The following PRRC2C variants were observed in gnomAD, a reference collection of about 807,000 sequenced individuals.
The protein encoded by PRRC2C is protein PRRC2C.
A neutral mutation model predicts 317.2 loss-of-function variants in PRRC2C; 72 were observed. The ratio of observed to expected loss-of-function variants is 0.23; its 90% CI spans 0.19 to 0.28. PRRC2C has a LOEUF of 0.28. PRRC2C is among the 10% of genes least tolerant of loss of function. PRRC2C has a pLI of 1.00. For missense variants in PRRC2C, 3,074 were observed against 3,459.7 expected (o/e 0.89, Z 2.80); for synonymous variants, 1,296 against 1,205.9 (o/e 1.07, Z -1.55).
At chr1:171,566,938 T>C in intron 22 of PRRC2C, 95 bp downstream of exon 22, 1 of 1,338,128 alleles carries the variant, frequency 7.5e-7, no homozygotes, top group Non-Finnish European at 1.0e-6. Flanking sequence ...TTTTTCCTGC[T>C]GAGGCATATA....
chr1:171,551,343 T>A (rs1680208241), intron 18 of PRRC2C, among the ~76,000 whole-genome samples: 1 of 152,210 alleles, frequency 6.6e-6, no homozygotes, highest in Non-Finnish European at 1.5e-5. Flanking sequence ...TTAAGTTCAT[T>A]GTAGATTCTG....
intron 11 of PRRC2C, among the ~76,000 whole-genome samples, chr1:171,530,329 A>T (rs1173950334): frequency 6.7e-6 from 1 of 148,248 alleles, no homozygotes; most frequent in Non-Finnish European, 1.5e-5. Flanking sequence ...TTGCAGCCTA[A>T]ACCTCCTGGG....
rs554127587 is a variant in PRRC2C at position 171,498,401 on chromosome 1, A to G, written c.-58+12666A>G. Reference sequence around the variant, plus strand: ...CCTCAGATGACAGAAGTGCATAGCTAGTTCCCTCCAGCCCTTTCATAAGGC... The same window carrying G: ...CCTCAGATGACAGAAGTGCATAGCTGGTTCCCTCCAGCCCTTTCATAAGGC... On this transcript the variant is annotated intron_variant, in intron 1 of 34. Coordinates refer to ENST00000647382, the MANE Select transcript of PRRC2C (RefSeq NM_001387844.1). 4.6e-5 allele frequency among the ~76,000 whole-genome samples: 7 copies of G among 152,308 alleles called. No individual in the cohort carries two copies. The East Asian group carries it at 1.4e-3, about 29-fold the overall frequency.
intron 22 of PRRC2C, 136 bp from the exon 23 acceptor site, chr1:171,568,111 G>C: frequency 1.6e-6 from 2 of 1,264,026 alleles, no homozygotes; most frequent in Non-Finnish European, 2.0e-6. Flanking sequence ...CTTGAGCCTG[G>C]AAGGCAGAGG....
chr1:171,486,022 C>T (rs577279900), intron 1 of PRRC2C, among the ~76,000 whole-genome samples: 1 of 152,186 alleles, frequency 6.6e-6, no homozygotes, highest in East Asian at 1.9e-4. Flanking sequence ...CACCTAGACC[C>T]CAGTCCTGGC....
intron 1 of PRRC2C, among the ~76,000 whole-genome samples, chr1:171,496,422 G>A (rs183548679): frequency 1.4e-3 from 209 of 151,816 alleles, no homozygotes; most frequent in Non-Finnish European, 2.1e-3. Flanking sequence ...AGGCTGGTCT[G>A]GAAGTCCTGA....
At chr1:171,536,357 T>G in intron 14 of PRRC2C, 79 bp downstream of exon 14, 1 of 1,467,504 alleles carries the variant, frequency 6.8e-7, no homozygotes, top group South Asian at 1.3e-5. Flanking sequence ...CCTTTGAGAG[T>G]TGTAATCTAG....
At chr1:171,539,727 A>T (rs1449723202) in intron 15 of PRRC2C, among the ~76,000 whole-genome samples, 1 of 152,180 alleles carries the variant, frequency 6.6e-6, no homozygotes, top group Non-Finnish European at 1.5e-5. Flanking sequence ...TTTATCCCTG[A>T]ATAATATTCT....
At chr1:171,566,092 C>T (rs927216709) in intron 20 of PRRC2C, 141 bp from the exon 21 acceptor site, 6 of 666,198 alleles carry the variant, frequency 9.0e-6, no homozygotes, top group Non-Finnish European at 1.4e-5. Flanking sequence ...GAAAATTATC[C>T]TAAAATATAA....
Position 171,540,143 on chromosome 1 carries a change from A to C in PRRC2C, c.2677A>C (p.Asn893His), listed in dbSNP as rs551970497. 1 of 1,613,944 alleles carries C rather than the reference A, an allele frequency of 6.2e-7. No individual in the cohort carries two copies. The highest frequency in any genetic ancestry group is 2.2e-5 in the East Asian group (1 of 44,872). Reference protein sequence around the residue: ...DVRPHHTDANNQSACFEAPDQ... With the variant: ...DVRPHHTDANHQSACFEAPDQ... Reference sequence around the variant, plus strand: ...TAGACCTCACCATACTGATGCAAATAATCAGTCTGCTTGTTTTGAAGCACC... The same window carrying C: ...TAGACCTCACCATACTGATGCAAATCATCAGTCTGCTTGTTTTGAAGCACC... The change falls in exon 16 of 35, where the codon AAT becomes CAT. Residue 893 changes from asparagine (N) to histidine (H), a missense_variant. Physicochemically the swap from Asn to His is moderately conservative, Grantham distance 68. Transcript: ENST00000647382.
Position 171,557,738 on chromosome 1 carries a change from C to T in PRRC2C, c.5626C>T (p.Pro1876Ser). ...TTCAGCCCTAGCATCAACTTCAGCT[C>T]CAACGCCAGCCCCAGCAGCCTCTTC... ...LASALASTSA[P>S]TPAPAASSPA... The change falls in exon 19 of 35, where the codon CCA becomes TCA. Residue 1876 changes from proline to serine, a missense_variant. By Grantham distance (74) the Pro-to-Ser change is moderately conservative. Coordinates refer to ENST00000647382, the MANE Select transcript of PRRC2C (RefSeq NM_001387844.1). 6.4e-7 allele frequency: 1 copy of T among 1,551,470 alleles called. No individual in the cohort carries two copies. The highest frequency in any genetic ancestry group is 8.7e-7 in the Non-Finnish European group (1 of 1,146,912).
At chr1:171,532,984 C>T in intron 12 of PRRC2C, 23 bp downstream of exon 12, 1 of 1,504,148 alleles carries the variant, frequency 6.6e-7, no homozygotes, top group Non-Finnish European at 8.8e-7. Flanking sequence ...TCTTCATTCT[C>T]TTTTAAAAAC....
intron 3 of PRRC2C, among the ~76,000 whole-genome samples, chr1:171,514,157 A>G (rs1190714194): frequency 6.6e-6 from 1 of 152,078 alleles, no homozygotes; most frequent in Non-Finnish European, 1.5e-5. Context: ...AACTAATTTC[A>G]CCAGTCCAGA....
rs570587110 is a variant in PRRC2C, at chr1:171,564,943, C to T, written c.6118-1290C>T. 2.5e-4 allele frequency among the ~76,000 whole-genome samples: 38 copies of T among 152,254 alleles called. 1 individual carries two copies. Among genetic ancestry groups the T allele is most frequent in the Non-Finnish European group, 4.9e-4 (33 of 68,004 alleles). Reference sequence around the variant, plus strand: ...TGACATTATATCCGGGTAGATATAACATTAACCTTATGTAGTAATTGACCA... The same window carrying T: ...TGACATTATATCCGGGTAGATATAATATTAACCTTATGTAGTAATTGACCA... On this transcript the variant is annotated intron_variant, in intron 20 of 34. Coordinates refer to ENST00000647382, the MANE Select transcript of PRRC2C (RefSeq NM_001387844.1).
intron 17 of PRRC2C, among the ~76,000 whole-genome samples, chr1:171,549,131 C>G (rs1165550116): frequency 6.6e-6 from 1 of 152,172 alleles, no homozygotes; most frequent in Non-Finnish European, 1.5e-5. Context: ...GTCATAAGAC[C>G]AGCTAGGCTG....
intron 7 of PRRC2C, 150 bp downstream of exon 7, chr1:171,522,409 C>T (rs780124394): frequency 4.7e-6 from 2 of 427,220 alleles, no homozygotes; most frequent in Non-Finnish European, 8.5e-6. Context: ...TTGGCTAACT[C>T]TTATAAGACA....
rs1173448610 is a variant in PRRC2C at position 171,593,224 on chromosome 1, C to T, written c.*1377C>T. Reference sequence around the variant, plus strand: ...GGAAAAGCTGTTGCTGCTATTGATGCATAACATACTGCTATTGGTCTTTTT... The same window carrying T: ...GGAAAAGCTGTTGCTGCTATTGATGTATAACATACTGCTATTGGTCTTTTT... On this transcript the variant is annotated 3_prime_UTR_variant, in exon 35 of 35. Coordinates refer to ENST00000647382, the MANE Select transcript of PRRC2C (RefSeq NM_001387844.1). 6.7e-6 allele frequency: 1 copy of T among 148,914 alleles called. No homozygotes were observed. Among genetic ancestry groups the T allele is most frequent in the Non-Finnish European group, 1.5e-5 (1 of 67,456 alleles). The allele number at this position is 148,914 out of a possible 1,614,324, so 9.2% of individuals were successfully genotyped here. A position where few individuals can be genotyped will look rare whatever the true frequency, so the allele number is the denominator to read the frequency against.
At chr1:171,553,269 G>C (rs190092769) in intron 18 of PRRC2C, among the ~76,000 whole-genome samples, 109,756 of 151,656 alleles carry the variant, frequency 0.72, 41,275 homozygotes, top group East Asian at 0.88. Flanking sequence ...GTAGTATTCT[G>C]TGATGGTAGT....
chr1:171,559,709 C>T (rs564491888), intron 19 of PRRC2C, among the ~76,000 whole-genome samples: 29 of 151,766 alleles, frequency 1.9e-4, no homozygotes, highest in East Asian at 7.8e-4. Context: ...TTCATAGAGA[C>T]GGGGTTTTGC....
Sources: gnomAD v4.1 joint callset for allele counts (sites outside exome capture counted in the v4.1 genomes callset) on GRCh38, gnomAD v4.1.1 for gene constraint, MANE v1.5 for transcripts, NCBI Gene and HGNC (gene_info 2026-07-23, HGNC 2026-07-21) for gene names.